Variants in BTBD1 observed in about 807,000 individuals in gnomAD.
BTBD1 encodes BTB domain containing 1.
BTBD1 carries 34 observed loss-of-function variants against 48.0 expected under a neutral mutation model. The observed-to-expected ratio is 0.71, with a 90% CI of 0.54 to 0.94. BTBD1 has a LOEUF of 0.94. Among genes scored for constraint, BTBD1 ranks in the 40% least tolerant of loss-of-function variants. BTBD1 has a pLI of 0.00. For missense variants in BTBD1, 543 were observed against 625.6 expected, an observed-to-expected ratio of 0.87 and a Z score of 1.41; for synonymous variants, 261 against 242.1, an observed-to-expected ratio of 1.08 and a Z score of -0.72.
chr15:83,064,426 A>C (rs1026786332), intron 1 of BTBD1, among the ~76,000 whole-genome samples: 1 of 152,196 alleles, frequency 6.6e-6, no homozygotes, highest in Non-Finnish European at 1.5e-5. Context: ...TGAAAAAAAA[A>C]ATTGCACTGT....
chr15:83,041,625 G>T, intron 4 of BTBD1, 103 bp downstream of exon 4: 4 of 995,934 alleles, frequency 4.0e-6, no homozygotes, highest in Non-Finnish European at 6.2e-6. Context: ...CACCTGCCTT[G>T]GCCTCTCGAA....
At chr15:83,034,812 C>A (rs185735450) in intron 4 of BTBD1, among the ~76,000 whole-genome samples, 19 of 152,254 alleles carry the variant, frequency 1.2e-4, no homozygotes, top group Admixed American at 5.9e-4. Flanking sequence ...AAATCTACTT[C>A]TTTTAGTAAC....
At position 83,030,168 on chromosome 15, in the gene BTBD1, G is replaced by A; in HGVS notation, c.1023C>T (p.Arg341=). ...CINRFQQVES[R]WGYSGTSDRI... is the part of the protein sequence containing the mutation. ...GATCACTCGTCCCACTGTAACCCCA[G>A]CGGCTTTCTACTTGCTGGAATCTAT... is the stretch of plus-strand genomic sequence containing the variant. The change falls in exon 5 of 8, where the codon CGC becomes CGT. Residue 341 remains arginine, a synonymous_variant. Coordinates refer to ENST00000261721, the MANE Select transcript of BTBD1 (RefSeq NM_025238.4). 6.2e-7 allele frequency: 1 copy of A among 1,613,886 alleles called. No homozygotes were observed. The highest frequency in any genetic ancestry group is 8.5e-7 in the Non-Finnish European group (1 of 1,180,004).
At chr15:83,029,008 G>A (rs1384398465) in intron 5 of BTBD1, among the ~76,000 whole-genome samples, 1 of 151,786 alleles carries the variant, frequency 6.6e-6, no homozygotes, top group East Asian at 1.9e-4. Flanking sequence ...AGCTACTTGG[G>A]CTGAATGCTT....
In BTBD1 at chr15:83,067,104, A is replaced by G. The variant is rs765246061; in HGVS notation, c.48T>C (p.Ala16=). ...PAAAGEQASG[A]EAEPGPAGPP... ...GCCCCGCGGGGCCCGGCTCCGCCTCAGCCCCCGACGCCTGCTCCCCAGCTG... is the reference window on the plus strand; with the variant it reads ...GCCCCGCGGGGCCCGGCTCCGCCTCGGCCCCCGACGCCTGCTCCCCAGCTG... The change falls in exon 1 of 8, where the codon GCT becomes GCC. Residue 16 remains alanine, a synonymous_variant. Coordinates refer to ENST00000261721, the MANE Select transcript of BTBD1 (RefSeq NM_025238.4). The G allele has an allele frequency of 6.0e-6, 9 of 1,487,654 alleles. No individual in the cohort carries two copies. In the East Asian group the frequency reaches 2.2e-4, roughly 36 times the overall value. The allele number at this position is 1,487,654 out of a possible 1,614,324, so 92.2% of individuals were successfully genotyped here.
chr15:83,040,805 C>G (rs1236056597), intron 4 of BTBD1, among the ~76,000 whole-genome samples: 1 of 149,498 alleles, frequency 6.7e-6, no homozygotes, highest in Non-Finnish European at 1.5e-5. Context: ...GTAATGAAAA[C>G]AGGTCAGAAG....
In BTBD1 at chr15:83,021,030, C is replaced by A. The variant is rs370962854; in HGVS notation, c.1056-268G>T. Among the ~76,000 whole-genome samples, 1 of 152,068 alleles carries A rather than the reference C, an allele frequency of 6.6e-6. No homozygotes were observed. The highest frequency in any genetic ancestry group is 2.1e-4 in the South Asian group (1 of 4,824). ...TTGTAATGATAATTTTAGTGCTATA[C>A]GAGTCCAAATATTTGTACATCTTTT... On this transcript the variant is annotated intron_variant, in intron 5 of 7. Transcript: ENST00000261721.
At position 83,067,042 on chromosome 15, in the gene BTBD1, A is replaced by T; in HGVS notation, c.110T>A (p.Leu37Gln). The T allele has an allele frequency of 6.3e-7, 1 of 1,581,580 alleles. No individual in the cohort carries two copies. Among genetic ancestry groups the T allele is most frequent in the Non-Finnish European group, 8.6e-7 (1 of 1,166,484 alleles). ...PPPSPSSLGPLLPLQREPLYN... is the reference protein window; with the variant it reads ...PPPSPSSLGPQLPLQREPLYN... ...GAGAGGTTCCCGCTGCAGGGGGAGC[A>T]GGGGCCCCAGAGAGGACGGTGAGGG... Residue 37 changes from leucine (L) to glutamine (Q), a missense_variant, in exon 1 of 8, where the codon CTG becomes CAG. Coordinates refer to ENST00000261721, the MANE Select transcript of BTBD1 (RefSeq NM_025238.4).
intron 2 of BTBD1, among the ~76,000 whole-genome samples, chr15:83,051,393 TATC>T (rs1356298484): frequency 2.6e-5 from 4 of 151,878 alleles, no homozygotes; most frequent in African/African-American, 9.6e-5. Flanking sequence ...TCTAAACAAT[TATC>T]ATGTGTTTTA....
intron 3 of BTBD1, among the ~76,000 whole-genome samples, chr15:83,045,932 C>T (rs2032869334): frequency 6.6e-6 from 1 of 152,042 alleles, no homozygotes; most frequent in East Asian, 1.9e-4. Flanking sequence ...GTTCTATCAA[C>T]ATGATAAATT....
At chr15:83,046,247 A>C (rs1053792663) in intron 3 of BTBD1, among the ~76,000 whole-genome samples, 5 of 152,096 alleles carry the variant, frequency 3.3e-5, no homozygotes, top group African/African-American at 9.7e-5. Context: ...AAAAACAAAA[A>C]TAATAATAAT....
At chr15:83,039,445 T>C (rs2032695893) in intron 4 of BTBD1, among the ~76,000 whole-genome samples, 1 of 152,026 alleles carries the variant, frequency 6.6e-6, no homozygotes, top group Admixed American at 6.6e-5. Context: ...GGTTAGCCAT[T>C]GTGGGAAGCA....
chr15:83,066,534 A>G (rs1596447281), intron 1 of BTBD1, among the ~76,000 whole-genome samples: 2 of 152,158 alleles, frequency 1.3e-5, no homozygotes, highest in East Asian at 3.9e-4. Context: ...TAATGAAGAC[A>G]CTAACGTTTA....
chr15:83,018,267 A>G (rs1315979565), intron 7 of BTBD1, 42 bp from the exon 8 acceptor site: 1 of 1,454,724 alleles, frequency 6.9e-7, no homozygotes, highest in Admixed American at 2.2e-5. Flanking sequence ...TTCATTTAAT[A>G]AGCACTCAGT....
rs1278088330 is a variant in BTBD1, at chr15:83,018,181, C to T, written c.1335G>A (p.Val445=). The T allele has an allele frequency of 2.5e-6, 4 of 1,610,354 alleles. No individual in the cohort carries two copies. Among genetic ancestry groups the T allele is most frequent in the Admixed American group, 1.7e-5 (1 of 59,478 alleles). ...TCTTGCTTGCAGCAGGTGTCTCATG[C>T]ACTACTTTCTTCAATCCTTTTGTGC... is the stretch of plus-strand genomic sequence containing the variant. ...HYGTKGLKKV[V]HETPAASKTV... Residue 445 remains valine, a synonymous_variant, in exon 8 of 8, where the codon GTG becomes GTA. Coordinates refer to ENST00000261721, the MANE Select transcript of BTBD1 (RefSeq NM_025238.4).
intron 1 of BTBD1, among the ~76,000 whole-genome samples, chr15:83,059,173 T>C (rs1256077440): frequency 6.6e-6 from 1 of 152,214 alleles, no homozygotes; most frequent in Non-Finnish European, 1.5e-5. Flanking sequence ...GTGCATCTCC[T>C]AAGCAGTTGC....
chr15:83,033,098 C>T (rs1215613132), intron 4 of BTBD1, among the ~76,000 whole-genome samples: 2 of 151,900 alleles, frequency 1.3e-5, no homozygotes, highest in African/African-American at 2.4e-5. Flanking sequence ...AGCAGTGTGC[C>T]CCTCTAGTCC....
At chr15:83,059,764 TTA>T (rs370384515) in intron 1 of BTBD1, among the ~76,000 whole-genome samples, 170 of 152,220 alleles carry the variant, frequency 1.1e-3, no homozygotes, top group African/African-American at 3.9e-3. Context: ...TTTTTATGCT[TTA>T]TGTTTTTGTA....
At chr15:83,062,087 G>C (rs1037648607) in intron 1 of BTBD1, among the ~76,000 whole-genome samples, 18 of 152,162 alleles carry the variant, frequency 1.2e-4, no homozygotes, top group Non-Finnish European at 2.1e-4. Context: ...TTAGTAATTA[G>C]GGTTGAAACA....
Sources: allele counts gnomAD v4.1 joint callset (sites outside exome capture counted in the v4.1 genomes callset), GRCh38; gene constraint gnomAD v4.1.1; transcripts MANE v1.5; gene names NCBI Gene and HGNC (gene_info 2026-07-23, HGNC 2026-07-21).